Variants in PBX4 observed in about 807,000 individuals in gnomAD.
PBX4 encodes the protein PBX homeobox 4.
A neutral mutation model predicts 35.1 loss-of-function variants in PBX4; 26 were observed. The ratio of observed to expected loss-of-function variants is 0.74; its 90% CI spans 0.54 to 1.03. The LOEUF (loss-of-function observed/expected upper bound fraction) is 1.03. Ranked by LOEUF, PBX4 falls within the 50% of genes least tolerant of loss-of-function variation. The pLI, the probability that PBX4 is intolerant of heterozygous loss-of-function variation, is 0.00. For missense variants in PBX4, 448 were observed against 504.3 expected (o/e 0.89, Z 1.07); for synonymous variants, 199 against 204.2 (o/e 0.97, Z 0.22).
chr19:19,592,555 C>T (rs1568390927), intron 2 of PBX4, among the ~76,000 whole-genome samples: 1 of 152,098 alleles, frequency 6.6e-6, no homozygotes, highest in Non-Finnish European at 1.5e-5. Context: ...GCAGTGCATC[C>T]GGTGATGCCA....
chr19:19,583,560 C>CTG (rs35420359), intron 2 of PBX4, among the ~76,000 whole-genome samples: 30,773 of 151,850 alleles, frequency 0.2, 3,561 homozygotes, highest in East Asian at 0.32. Flanking sequence ...CTGCAGTGAG[C>CTG]TGACTGCGCC....
chr19:19,569,605 G>A (rs373529208), intron 4 of PBX4, 21 bp from the exon 5 acceptor site: 80 of 1,611,230 alleles, frequency 5.0e-5, no homozygotes, highest in African/African-American at 1.1e-4. Context: ...AGCCGCCTTC[G>A]TAGGCATTAA....
intron 2 of PBX4, among the ~76,000 whole-genome samples, chr19:19,577,901 G>T (rs190029572): frequency 6.6e-6 from 1 of 151,116 alleles, no homozygotes; most frequent in African/African-American, 2.4e-5. Context: ...TTTGAGGCTG[G>T]GCAAGGTGGC....
At chr19:19,605,542 C>G (rs1205841955) in intron 1 of PBX4, among the ~76,000 whole-genome samples, 2 of 151,858 alleles carry the variant, frequency 1.3e-5, no homozygotes, top group African/African-American at 4.8e-5. Context: ...GGGAGGATCG[C>G]TTGAACTCAG....
At chr19:19,598,860 T>C (rs1031051250) in intron 2 of PBX4, among the ~76,000 whole-genome samples, 4 of 150,978 alleles carry the variant, frequency 2.6e-5, no homozygotes, top group African/African-American at 9.8e-5. Flanking sequence ...ACATAAGGGC[T>C]GAGACAAGAT....
chr19:19,575,295 ATG>A (rs72374527), intron 2 of PBX4, among the ~76,000 whole-genome samples: 64,190 of 150,350 alleles, frequency 0.43, 13,897 homozygotes, highest in African/African-American at 0.48. Context: ...GCCAGCACCC[ATG>A]AGCGAGGACA....
intron 2 of PBX4, among the ~76,000 whole-genome samples, chr19:19,594,660 C>T (rs2061550540): frequency 1.3e-5 from 2 of 152,168 alleles, no homozygotes; most frequent in Non-Finnish European, 2.9e-5. Context: ...GTTTCTCGTT[C>T]AGCCCCAGCA....
chr19:19,592,595 G>A (rs961210711), intron 2 of PBX4, among the ~76,000 whole-genome samples: 2 of 152,206 alleles, frequency 1.3e-5, no homozygotes, highest in Non-Finnish European at 2.9e-5. Flanking sequence ...GTTCTTTTCA[G>A]GCTGCTGTGA....
At chr19:19,611,227 C>A (rs1203819083) in intron 1 of PBX4, among the ~76,000 whole-genome samples, 2 of 152,150 alleles carry the variant, frequency 1.3e-5, no homozygotes, top group Non-Finnish European at 2.9e-5. Flanking sequence ...CACCTTGCCT[C>A]TTCAGTAAGT....
At chr19:19,588,243 C>T (rs1367247682) in intron 2 of PBX4, 1 of 1,353,480 alleles carries the variant, frequency 7.4e-7, no homozygotes, top group Non-Finnish European at 1.1e-6. Context: ...CCACAGATCA[C>T]ACAGAGCCCC....
At chr19:19,571,563 C>T (rs1444005003) in intron 2 of PBX4, among the ~76,000 whole-genome samples, 1 of 152,130 alleles carries the variant, frequency 6.6e-6, no homozygotes, top group African/African-American at 2.4e-5. Context: ...GTCTGCAGGT[C>T]AGCTACAGGG....
At chr19:19,596,345 G>A (rs1291207088) in intron 2 of PBX4, among the ~76,000 whole-genome samples, 1 of 148,064 alleles carries the variant, frequency 6.8e-6, no homozygotes, top group Non-Finnish European at 1.5e-5. Context: ...TGCACTCCAG[G>A]CTGGGCAACA....
chr19:19,593,921 T>C (rs2061543596), intron 2 of PBX4, among the ~76,000 whole-genome samples: 2 of 140,884 alleles, frequency 1.4e-5, no homozygotes, highest in South Asian at 2.3e-4. Context: ...AGCTCAGGAG[T>C]TCAAGGCCAA....
Position 19,570,019 on chromosome 19 carries a change from T to C in PBX4, c.632+90A>G, listed in dbSNP as rs531668988. The stretch of plus-strand genomic sequence containing the variant: ...TCCAACCGTGACTGCAGACACAGCC[T>C]CCAGGGCTGTCTTCAACCCAAGCCA... On this transcript the variant is annotated intron_variant, in intron 4 of 7. Coordinates refer to ENST00000251203, the MANE Select transcript of PBX4 (RefSeq NM_025245.3). The C allele has an allele frequency of 2.2e-6, 3 of 1,377,736 alleles. No homozygotes were observed. In the East Asian group the frequency reaches 7.3e-5, roughly 33 times the overall value. The allele number at this position is 1,377,736 out of a possible 1,614,324, so 85.3% of individuals were successfully genotyped here.
At chr19:19,597,340 TG>T (rs562020657) in intron 2 of PBX4, among the ~76,000 whole-genome samples, 71 of 152,370 alleles carry the variant, frequency 4.7e-4, no homozygotes, top group African/African-American at 1.6e-3. Flanking sequence ...AGATCTCTTC[TG>T]AAGGCTGGGC....
chr19:19,600,384 G>A (rs2061589741), intron 1 of PBX4, among the ~76,000 whole-genome samples: 1 of 151,690 alleles, frequency 6.6e-6, no homozygotes, highest in South Asian at 2.1e-4. Context: ...AAATTAGCTG[G>A]GCATGGTGGT....
intron 2 of PBX4, among the ~76,000 whole-genome samples, chr19:19,579,154 T>G (rs991016792): frequency 6.6e-6 from 1 of 151,984 alleles, no homozygotes; most frequent in Non-Finnish European, 1.5e-5. Flanking sequence ...ATCGAGACCA[T>G]CCTGGCCAAT....
intron 2 of PBX4, among the ~76,000 whole-genome samples, chr19:19,589,588 G>A (rs2061513737): frequency 1.3e-5 from 2 of 151,990 alleles, no homozygotes; most frequent in Non-Finnish European, 2.9e-5. Flanking sequence ...TGGCCAACGC[G>A]GTGAAATCCC....
chr19:19,602,538 T>A (rs1047254755), intron 1 of PBX4, among the ~76,000 whole-genome samples: 30 of 152,138 alleles, frequency 2.0e-4, no homozygotes, highest in African/African-American at 5.3e-4. Flanking sequence ...ACTCAAGCAA[T>A]CCTCCCGCCT....
Sources: gnomAD v4.1 joint callset for allele counts (sites outside exome capture counted in the v4.1 genomes callset) on GRCh38, gnomAD v4.1.1 for gene constraint, MANE v1.5 for transcripts, NCBI Gene and HGNC (gene_info 2026-07-23, HGNC 2026-07-21) for gene names.